Variants in ANKS1B observed in about 807,000 individuals in gnomAD.
ANKS1B encodes the protein ankyrin repeat and sterile alpha motif domain-containing protein 1B.
Under a neutral mutation model 148.3 loss-of-function variants are expected in ANKS1B, and 36 were observed. The observed-to-expected ratio is 0.24, with a 90% confidence interval of 0.19 to 0.32. ANKS1B has a LOEUF of 0.32. Ranked by LOEUF, ANKS1B falls within the 10% of genes least tolerant of loss-of-function variation. The probability of loss-of-function intolerance (pLI) is 1.00; values close to 1 mark genes in which losing one functional copy is unlikely to be tolerated. For synonymous variants in ANKS1B, 542 were observed against 560.8 expected (o/e 0.97, Z 0.47); for missense variants, 1,157 against 1,542.6 (o/e 0.75, Z 4.19).
chr12:99,105,102 C>T (rs568453315), intron 15 of ANKS1B: 69 of 152,232 alleles, frequency 4.5e-4, no homozygotes, highest in African/African-American at 1.4e-3. Flanking sequence ...TCCATCCAGA[C>T]GAAAGAAATA....
Position 99,399,794 on chromosome 12 carries a change from G to T in ANKS1B, c.1593C>A (p.Ser531=), listed in dbSNP as rs768543851. The T allele has an allele frequency of 6.2e-7, 1 of 1,613,300 alleles. No individual in the cohort carries two copies. The highest frequency in any genetic ancestry group is 8.5e-7 in the Non-Finnish European group (1 of 1,179,388). The change falls in exon 12 of 27, where the codon TCC becomes TCA. Residue 531 remains serine, a synonymous_variant. Coordinates refer to ENST00000683438, the MANE Select transcript of ANKS1B (RefSeq NM_001352186.2). ...VIRPQPKQRT[S]IVSSLDFHRM... ...GGTGAAAATCCAGAGAAGACACAAT[G>T]GATGTTCGCTGTTTAGGCTAAAATA...
At position 99,246,287 on chromosome 12, in the gene ANKS1B, C is replaced by A; in HGVS notation, c.2334G>T (p.Ser778=). ...GAACAAAGCTTACTTCTTCCCATTCCGATGTGAAGGATGGTGTTCTTTCAG... is the reference window on the plus strand; with the variant it reads ...GAACAAAGCTTACTTCTTCCCATTCAGATGTGAAGGATGGTGTTCTTTCAG... The part of the protein sequence containing the change: ...GNSERTPSFT[S]EWEEIDKIMS... The change falls in exon 13 of 27, where the codon TCG becomes TCT. Residue 778 remains serine, a synonymous_variant. Coordinates refer to ENST00000683438, the MANE Select transcript of ANKS1B (RefSeq NM_001352186.2). 1 of 1,582,618 alleles carries A rather than the reference C, an allele frequency of 6.3e-7. No individual in the cohort carries two copies.
At chr12:99,514,487 CTATTT>C (rs1159535078) in intron 9 of ANKS1B, among the ~76,000 whole-genome samples, 1 of 152,038 alleles carries the variant, frequency 6.6e-6, no homozygotes, top group African/African-American at 2.4e-5. Context: ...AAAGTGAATA[CTATTT>C]TATTTGCCCA....
intron 12 of ANKS1B, among the ~76,000 whole-genome samples, chr12:99,313,507 A>G (rs1304526722): frequency 6.6e-6 from 1 of 152,200 alleles, no homozygotes; most frequent in Non-Finnish European, 1.5e-5. Context: ...AGATCAATGC[A>G]AAAATCCTCA....
rs188064456 is a variant in ANKS1B at position 99,442,891 on chromosome 12, C to T, written c.1575+782G>A. Among the ~76,000 whole-genome samples, 83 of 152,006 alleles carry T rather than the reference C, an allele frequency of 5.5e-4. 1 individual carries two copies. Among genetic ancestry groups the T allele is most frequent in the Middle Eastern group, 3.4e-3 (1 of 294 alleles). On this transcript the variant is annotated intron_variant, in intron 11 of 26. Transcript: ENST00000683438. The stretch of plus-strand genomic sequence containing the variant: ...TTGATTGAATCCAAAGTCCTCCTGT[C>T]TTGGATTTTATGAGGCCCATTCAGA...
chr12:98,889,876 T>G (rs2099748579), intron 17 of ANKS1B, among the ~76,000 whole-genome samples: 2 of 152,258 alleles, frequency 1.3e-5, no homozygotes, highest in Non-Finnish European at 1.5e-5. Flanking sequence ...TGTCATTACT[T>G]GAGTCACTGT....
At chr12:99,416,341 T>C (rs963434058) in intron 11 of ANKS1B, among the ~76,000 whole-genome samples, 2 of 152,216 alleles carry the variant, frequency 1.3e-5, no homozygotes, top group Non-Finnish European at 2.9e-5. Context: ...TCAGTGAACA[T>C]GTTTTCATTT....
At chr12:99,713,086 CAT>C (rs1278428226) in intron 8 of ANKS1B, among the ~76,000 whole-genome samples, 8 of 152,184 alleles carry the variant, frequency 5.3e-5, no homozygotes, top group East Asian at 3.9e-4. Flanking sequence ...GTCTCCCACA[CAT>C]GTTACAGGGA....
At chr12:99,723,619 AC>A (rs2058323978) in intron 8 of ANKS1B, among the ~76,000 whole-genome samples, 1 of 151,596 alleles carries the variant, frequency 6.6e-6, no homozygotes, top group Admixed American at 6.6e-5. Context: ...TCAGCAAAGC[AC>A]TCCCCCTCCA....
chr12:99,034,203 C>T (rs549735685), intron 17 of ANKS1B, among the ~76,000 whole-genome samples: 16 of 152,306 alleles, frequency 1.1e-4, no homozygotes, highest in African/African-American at 3.6e-4. Context: ...TGGAGAAGAA[C>T]CATGTTTGTC....
chr12:98,887,180 CA>C (rs2099741978), intron 17 of ANKS1B, among the ~76,000 whole-genome samples: 1 of 152,124 alleles, frequency 6.6e-6, no homozygotes, highest in African/African-American at 2.4e-5. Context: ...AGAGGATGGG[CA>C]AAAGCATTAC....
At position 99,707,272 on chromosome 12, in the gene ANKS1B, A is replaced by G. The variant is rs140680649; in HGVS notation, c.1129-52062T>C. Among the ~76,000 whole-genome samples, 701 of 152,158 alleles carry G rather than the reference A, an allele frequency of 4.6e-3. 3 individuals are homozygous for G. Among genetic ancestry groups the G allele is most frequent in the Non-Finnish European group, 7.3e-3 (493 of 67,988 alleles). Reference sequence around the variant, plus strand: ...TACTTAAGCTGACACTGCTACACCTAAGGTTCAGCACGGCAACCTCAGATG... The same window carrying G: ...TACTTAAGCTGACACTGCTACACCTGAGGTTCAGCACGGCAACCTCAGATG... On this transcript the variant is annotated intron_variant, in intron 8 of 26. Transcript: ENST00000683438.
At chr12:99,889,788 T>C (rs2093003947) in intron 1 of ANKS1B, among the ~76,000 whole-genome samples, 1 of 152,216 alleles carries the variant, frequency 6.6e-6, no homozygotes, top group Non-Finnish European at 1.5e-5. Flanking sequence ...CTTTTTAAAA[T>C]ATTTTAGTAG....
intron 12 of ANKS1B, among the ~76,000 whole-genome samples, chr12:99,397,400 G>A (rs1276891967): frequency 2.0e-5 from 3 of 152,144 alleles, no homozygotes; most frequent in Non-Finnish European, 4.4e-5. Context: ...TCTGACCTCA[G>A]TGCTTACAAT....
intron 10 of ANKS1B, among the ~76,000 whole-genome samples, chr12:99,482,545 G>T (rs990346789): frequency 5.9e-5 from 9 of 151,884 alleles, no homozygotes; most frequent in Non-Finnish European, 1.0e-4. Context: ...TTTTAGAATG[G>T]TTTTTTATAA....
intron 9 of ANKS1B, among the ~76,000 whole-genome samples, chr12:99,629,965 C>A (rs2098142139): frequency 1.3e-5 from 2 of 152,128 alleles, no homozygotes; most frequent in South Asian, 4.2e-4. Flanking sequence ...ATCTACCTGT[C>A]TTGTTCTAGA....
intron 1 of ANKS1B, among the ~76,000 whole-genome samples, chr12:99,919,788 A>AAAAAAAC (rs1646660594): frequency 6.6e-6 from 1 of 151,906 alleles, no homozygotes; most frequent in African/African-American, 2.4e-5. Flanking sequence ...TTAAAAAAAA[A>AAAAAAAC]AAAAAACCTG....
At chr12:99,881,564 G>C (rs35969439) in intron 1 of ANKS1B, among the ~76,000 whole-genome samples, 8,057 of 152,264 alleles carry the variant, frequency 0.053, 296 homozygotes, top group Non-Finnish European at 0.074. Context: ...GCGGAGAAAG[G>C]GTTGGGATAT....
At chr12:98,911,873 T>G (rs1469376626) in intron 17 of ANKS1B, among the ~76,000 whole-genome samples, 1 of 152,206 alleles carries the variant, frequency 6.6e-6, no homozygotes, top group Non-Finnish European at 1.5e-5. Flanking sequence ...TTCTCTAGCC[T>G]CAAATCTAGT....
Sources: gnomAD v4.1 joint callset for allele counts (sites outside exome capture counted in the v4.1 genomes callset) on GRCh38, gnomAD v4.1.1 for gene constraint, MANE v1.5 for transcripts, NCBI Gene and HGNC (gene_info 2026-07-23, HGNC 2026-07-21) for gene names.